Variants in PCDH11Y observed in about 807,000 individuals in gnomAD.
PCDH11Y encodes the protein protocadherin-11 Y-linked.
For missense variants in PCDH11Y, 12 were observed against 224.8 expected (o/e 0.05, Z 6.05); for synonymous variants, 9 against 83.6 (o/e 0.11, Z 4.87).
chrY:5,303,465 G>T (rs1293946455), intron 2 of PCDH11Y, among the ~76,000 whole-genome samples: 1 of 32,254 alleles, frequency 3.1e-5, no homozygotes, highest in Non-Finnish European at 7.5e-5. Context: ...TGCCTATATA[G>T]AATTGTCATG....
chrY:5,001,676 C>G, intron 1 of PCDH11Y, among the ~76,000 whole-genome samples: 6 of 34,248 alleles, frequency 1.8e-4, no homozygotes, highest in Admixed American at 1.6e-3. Context: ...ATTTTTTAGA[C>G]TTTAGAAGAG....
At chrY:5,245,532 T>C (rs2052994858) in intron 2 of PCDH11Y, among the ~76,000 whole-genome samples, 1 of 30,526 alleles carries the variant, frequency 3.3e-5, no homozygotes, top group Non-Finnish European at 7.9e-5. Flanking sequence ...GACCTAACCA[T>C]TGAAAGAAAA....
At chrY:5,692,966 A>C in intron 4 of PCDH11Y, among the ~76,000 whole-genome samples, 1 of 30,085 alleles carries the variant, frequency 3.3e-5, no homozygotes, top group Non-Finnish European at 8.0e-5. Context: ...TATGTGCTTA[A>C]GATGAGAATA....
intron 4 of PCDH11Y, among the ~76,000 whole-genome samples, chrY:5,655,290 TG>T (rs2053535051): frequency 3.5e-5 from 1 of 28,888 alleles, no homozygotes; most frequent in Non-Finnish European, 8.2e-5. Context: ...ACTCAGAGGT[TG>T]GTTTCTTCCT....
intron 2 of PCDH11Y, among the ~76,000 whole-genome samples, chrY:5,240,392 T>C: frequency 3.1e-5 from 1 of 32,722 alleles, no homozygotes; most frequent in Admixed American, 2.8e-4. Flanking sequence ...ATGAATGTTC[T>C]TCATGGGATT....
intron 2 of PCDH11Y, among the ~76,000 whole-genome samples, chrY:5,446,992 G>T: frequency 3.0e-5 from 1 of 33,329 alleles, no homozygotes; most frequent in Non-Finnish European, 7.4e-5. Flanking sequence ...CTCAAAAATG[G>T]ATGTTTCCAT....
intron 2 of PCDH11Y, among the ~76,000 whole-genome samples, chrY:5,145,752 T>C (rs2052856378): frequency 7.1e-4 from 24 of 33,813 alleles, no homozygotes; most frequent in Non-Finnish European, 2.2e-4. Flanking sequence ...ACTTAGTTAA[T>C]ATTTTAAATT....
chrY:5,238,959 A>G, intron 2 of PCDH11Y, among the ~76,000 whole-genome samples: 1 of 32,398 alleles, frequency 3.1e-5, no homozygotes, highest in South Asian at 7.0e-4. Context: ...AAATAGGAAC[A>G]CTTTTACACT....
At chrY:5,531,694 T>C in intron 3 of PCDH11Y, among the ~76,000 whole-genome samples, 1 of 31,164 alleles carries the variant, frequency 3.2e-5, no homozygotes, top group African/African-American at 1.3e-4. Flanking sequence ...TTCAAAGAAC[T>C]AGATTTTGAT....
chrY:5,154,834 G>C (rs2052868068), intron 2 of PCDH11Y, among the ~76,000 whole-genome samples: 1 of 32,893 alleles, frequency 3.0e-5, no homozygotes, highest in South Asian at 6.6e-4. Flanking sequence ...AATTAATTAT[G>C]TTGAAAATAG....
intron 2 of PCDH11Y, among the ~76,000 whole-genome samples, chrY:5,459,334 G>A (rs2053301250): frequency 3.1e-5 from 1 of 32,160 alleles, no homozygotes; most frequent in African/African-American, 1.2e-4. Flanking sequence ...AAGAGTATAC[G>A]AAGAACATTC....
chrY:5,551,492 T>G, intron 3 of PCDH11Y, among the ~76,000 whole-genome samples: 1 of 33,066 alleles, frequency 3.0e-5, no homozygotes, highest in South Asian at 6.7e-4. Flanking sequence ...TTGATTATTT[T>G]GTTGAATTTA....
At chrY:5,367,981 T>C in intron 2 of PCDH11Y, among the ~76,000 whole-genome samples, 1 of 31,562 alleles carries the variant, frequency 3.2e-5, no homozygotes, top group Non-Finnish European at 7.7e-5. Context: ...CTGGTTAACA[T>C]AGTGAGACCT....
At chrY:5,046,720 G>C (rs2052642050) in intron 3 of PCDH11Y, among the ~76,000 whole-genome samples, 1 of 32,594 alleles carries the variant, frequency 3.1e-5, no homozygotes, top group Admixed American at 2.7e-4. Flanking sequence ...CCTCGCTGCC[G>C]CCTTGCAGTT....
At chrY:5,537,771 G>A (rs2053401903) in intron 3 of PCDH11Y, among the ~76,000 whole-genome samples, 1 of 33,656 alleles carries the variant, frequency 3.0e-5, no homozygotes, top group Non-Finnish European at 7.3e-5. Context: ...AAATCTGTGA[G>A]ACAAAGGGAA....
intron 2 of PCDH11Y, among the ~76,000 whole-genome samples, chrY:5,154,626 G>GGTGT (rs61014486): frequency 2.5e-4 from 7 of 27,841 alleles, no homozygotes; most frequent in African/African-American, 7.6e-4. Flanking sequence ...AAGCTTTAGT[G>GGTGT]GTGTGTGTGT....
At chrY:5,465,432 C>T in intron 2 of PCDH11Y, among the ~76,000 whole-genome samples, 1 of 32,212 alleles carries the variant, frequency 3.1e-5, no homozygotes, top group Non-Finnish European at 7.6e-5. Context: ...AGAGTAGGTT[C>T]GACTAATGCA....
chrY:5,490,868 AT>A, intron 2 of PCDH11Y, among the ~76,000 whole-genome samples: 1 of 33,988 alleles, frequency 2.9e-5, no homozygotes, highest in Non-Finnish European at 7.4e-5. Context: ...GCCCACTCCA[AT>A]TTTGGAGCAA....
intron 2 of PCDH11Y, among the ~76,000 whole-genome samples, chrY:5,468,852 A>G: frequency 6.1e-5 from 2 of 32,817 alleles, no homozygotes; most frequent in African/African-American, 2.4e-4. Context: ...ACTAACTCTT[A>G]TGATTGAGAA....
Sources: allele counts gnomAD v4.1 joint callset (sites outside exome capture counted in the v4.1 genomes callset), GRCh38; gene constraint gnomAD v4.1.1; transcripts MANE v1.5; gene names NCBI Gene and HGNC (gene_info 2026-07-23, HGNC 2026-07-21).